The following PCCA variants were observed in gnomAD, a reference collection of about 807,000 sequenced individuals.
PCCA encodes the protein propionyl-CoA carboxylase subunit alpha.
A neutral mutation model predicts 101.3 loss-of-function variants in PCCA; 74 were observed. That is an observed-to-expected ratio of 0.73 (90% CI 0.61 to 0.89). The LOEUF (loss-of-function observed/expected upper bound fraction) is 0.89. Ranked by LOEUF, PCCA falls within the 40% of genes least tolerant of loss-of-function variation. The probability of loss-of-function intolerance (pLI) is 0.00; values close to 1 mark genes in which losing one functional copy is unlikely to be tolerated. For synonymous variants in PCCA, 294 were observed against 313.6 expected, an observed-to-expected ratio of 0.94 and a Z score of 0.66; for missense variants, 891 against 907.0, an observed-to-expected ratio of 0.98 and a Z score of 0.23.
chr13:100,123,632 T>TGGG (rs11439395), intron 4 of PCCA, among the ~76,000 whole-genome samples: 4 of 151,330 alleles, frequency 2.6e-5, no homozygotes, highest in Non-Finnish European at 4.4e-5. Context: ...AACAACATAA[T>TGGG]GGGGGGGGAT....
At chr13:100,272,315 T>G (rs1199074206) in intron 11 of PCCA, among the ~76,000 whole-genome samples, 1 of 152,230 alleles carries the variant, frequency 6.6e-6, no homozygotes, top group Non-Finnish European at 1.5e-5. Flanking sequence ...CCTGCGAGCC[T>G]TTGCTTATAA....
intron 12 of PCCA, among the ~76,000 whole-genome samples, chr13:100,280,012 G>GT (rs10543745): frequency 1.1e-4 from 16 of 140,222 alleles, no homozygotes; most frequent in African/African-American, 3.1e-4. Flanking sequence ...TTTTGTTTTT[G>GT]TTTTTTTTTT....
chr13:100,318,844 A>G (rs1355127023), intron 16 of PCCA, among the ~76,000 whole-genome samples: 2 of 152,210 alleles, frequency 1.3e-5, no homozygotes, highest in Non-Finnish European at 1.5e-5. Context: ...TTGGGTATAT[A>G]TACCCAGTAA....
intron 4 of PCCA, among the ~76,000 whole-genome samples, chr13:100,129,065 C>A (rs2050239560): frequency 6.6e-6 from 1 of 152,208 alleles, no homozygotes; most frequent in African/African-American, 2.4e-5. Flanking sequence ...ATTACCCAAA[C>A]TGAACTTTGA....
intron 21 of PCCA, among the ~76,000 whole-genome samples, chr13:100,493,385 AG>A (rs1433575554): frequency 6.6e-6 from 1 of 152,200 alleles, no homozygotes; most frequent in Non-Finnish European, 1.5e-5. Flanking sequence ...ATGCCTGATC[AG>A]GGGAGGCCAC....
chr13:100,150,224 G>A (rs1261818968), intron 4 of PCCA, among the ~76,000 whole-genome samples: 1 of 151,990 alleles, frequency 6.6e-6, no homozygotes, highest in East Asian at 1.9e-4. Context: ...GGTAGAGACA[G>A]GGTTTCACCA....
intron 19 of PCCA, among the ~76,000 whole-genome samples, chr13:100,374,586 C>T (rs1183235294): frequency 6.6e-6 from 1 of 152,030 alleles, no homozygotes; most frequent in Non-Finnish European, 1.5e-5. Context: ...TGGTGAAAAA[C>T]TAAATTCATA....
rs940413111 is a variant in PCCA at position 100,377,134 on chromosome 13, C to T, written c.1746+8560C>T. Among the ~76,000 whole-genome samples, 3 of 152,292 alleles carry T rather than the reference C, an allele frequency of 2.0e-5. No homozygotes were observed. In the South Asian group the frequency reaches 6.2e-4, roughly 32 times the overall value. On this transcript the variant is annotated intron_variant, in intron 19 of 23. Transcript: ENST00000376285. The stretch of plus-strand genomic sequence containing the variant: ...CATGCTTTAGCTTGCCCTTTGTGGG[C>T]TGCACCCACTGTCTAACCAGTCCCA...
rs890471560 is a variant in PCCA at position 100,320,536 on chromosome 13, G to A, written c.1430-10025G>A. Among the ~76,000 whole-genome samples the A allele has an allele frequency of 3.9e-4, 60 of 152,166 alleles. 2 individuals are homozygous for A. The highest frequency in any genetic ancestry group is 7.3e-4 in the Non-Finnish European group (50 of 68,030). On this transcript the variant is annotated intron_variant, in intron 16 of 23. Coordinates refer to ENST00000376285, the MANE Select transcript of PCCA (RefSeq NM_000282.4). The stretch of plus-strand genomic sequence containing the variant: ...TTTATTGAGAGTTTTTAGCCTGAAG[G>A]GCTGTTGAATTTTGTCAAAGGCCTT...
At chr13:100,168,697 T>C (rs1434447060) in intron 6 of PCCA, among the ~76,000 whole-genome samples, 1 of 152,174 alleles carries the variant, frequency 6.6e-6, no homozygotes, top group South Asian at 2.1e-4. Context: ...GCCCGGTTGT[T>C]AGCGTCACCT....
chr13:100,127,339 T>C (rs549696392), intron 4 of PCCA, among the ~76,000 whole-genome samples: 3 of 152,322 alleles, frequency 2.0e-5, no homozygotes, highest in South Asian at 2.1e-4. Flanking sequence ...TAATAACTTA[T>C]ACTGAAGTTA....
At chr13:100,354,116 T>A (rs956820559) in intron 18 of PCCA, among the ~76,000 whole-genome samples, 6 of 128,852 alleles carry the variant, frequency 4.7e-5, no homozygotes, top group Non-Finnish European at 7.0e-5. Context: ...ATAATAATAA[T>A]AATAAAATAA....
At chr13:100,501,841 T>C (rs2085696486) in intron 21 of PCCA, among the ~76,000 whole-genome samples, 1 of 150,726 alleles carries the variant, frequency 6.6e-6, no homozygotes, top group East Asian at 2.0e-4. Flanking sequence ...GCCGCTGCAC[T>C]CCAGCCTGGG....
At chr13:100,209,283 A>G (rs1375478298) in intron 6 of PCCA, 49 bp from the exon 7 acceptor site, 1 of 1,564,078 alleles carries the variant, frequency 6.4e-7, no homozygotes, top group Non-Finnish European at 8.8e-7. Context: ...ACTCCACATC[A>G]TGCTCCGTAA....
At chr13:100,157,834 C>T (rs2054032049) in intron 6 of PCCA, among the ~76,000 whole-genome samples, 1 of 151,804 alleles carries the variant, frequency 6.6e-6, no homozygotes, top group South Asian at 2.1e-4. Context: ...CAAGATGGTA[C>T]TGAAACCTTA....
At chr13:100,207,405 G>A in intron 6 of PCCA, among the ~76,000 whole-genome samples, 1 of 151,766 alleles carries the variant, frequency 6.6e-6, no homozygotes, top group South Asian at 2.1e-4. Context: ...TTTTTGAGAT[G>A]GAGTCTCGCT....
At chr13:100,278,674 T>C (rs1263852801) in intron 12 of PCCA, among the ~76,000 whole-genome samples, 2 of 152,126 alleles carry the variant, frequency 1.3e-5, no homozygotes, top group Non-Finnish European at 2.9e-5. Context: ...GAGACAGGGT[T>C]TCACCACGTT....
intron 16 of PCCA, among the ~76,000 whole-genome samples, chr13:100,315,054 T>C (rs1831148888): frequency 6.6e-6 from 1 of 152,178 alleles, no homozygotes; most frequent in Non-Finnish European, 1.5e-5. Flanking sequence ...TGACATCTTG[T>C]CTGCAACTTA....
At chr13:100,459,169 G>A (rs2082005670) in intron 21 of PCCA, among the ~76,000 whole-genome samples, 1 of 152,080 alleles carries the variant, frequency 6.6e-6, no homozygotes, top group African/African-American at 2.4e-5. Context: ...CATAAATCCA[G>A]CACCACCAGT....
Sources: gnomAD v4.1 joint callset for allele counts (sites outside exome capture counted in the v4.1 genomes callset) on GRCh38, gnomAD v4.1.1 for gene constraint, MANE v1.5 for transcripts, NCBI Gene and HGNC (gene_info 2026-07-23, HGNC 2026-07-21) for gene names.